The following NDUFAF7 variants were observed in gnomAD, a reference collection of about 807,000 sequenced individuals.
The protein encoded by NDUFAF7 is protein arginine methyltransferase NDUFAF7, mitochondrial.
A neutral mutation model predicts 47.2 loss-of-function variants in NDUFAF7; 48 were observed. The ratio of observed to expected loss-of-function variants is 1.02; its 90% confidence interval spans 0.81 to 1.29. NDUFAF7 has a LOEUF of 1.29. Among genes scored for constraint, NDUFAF7 ranks in the 50% most tolerant of loss-of-function variants. NDUFAF7 has a pLI of 0.00. For missense variants in NDUFAF7, 635 were observed against 537.6 expected, an observed-to-expected ratio of 1.18 and a Z score of -1.79; for synonymous variants, 217 against 190.0, an observed-to-expected ratio of 1.14 and a Z score of -1.17.
intron 2 of NDUFAF7, among the ~76,000 whole-genome samples, chr2:37,234,757 G>A (rs1295826984): frequency 1.3e-5 from 2 of 152,200 alleles, no homozygotes; most frequent in African/African-American, 4.8e-5. Context: ...ATGGTCCAGA[G>A]CACAGGCGGA....
chr2:37,263,859 C>T, the NDUFAF7 span, among the ~76,000 whole-genome samples: 4 of 152,052 alleles, frequency 2.6e-5, no homozygotes, highest in Admixed American at 2.6e-4. Flanking sequence ...AGTATGCTCA[C>T]TTCTGTTAAT....
chr2:37,257,441 G>A (rs1192387299), downstream of NDUFAF7, among the ~76,000 whole-genome samples: 7 of 151,970 alleles, frequency 4.6e-5, no homozygotes, highest in East Asian at 5.8e-4. Flanking sequence ...CGAGGCGGGC[G>A]GATCACGAGG....
At chr2:37,253,165 T>G (rs1217747422), downstream of NDUFAF7, 4 of 1,587,502 alleles carry the variant, frequency 2.5e-6, no homozygotes, top group South Asian at 1.1e-5. Context: ...CTTATTTAGG[T>G]TAGCTCAGTG....
At chr2:37,252,514 T>A (rs1667577311), downstream of NDUFAF7, 1 of 152,202 alleles carries the variant, frequency 6.6e-6, no homozygotes, top group African/African-American at 2.4e-5. Context: ...TTATGCTGTA[T>A]AGAACATATT....
chr2:37,234,369 G>T (rs1452194038), intron 2 of NDUFAF7, among the ~76,000 whole-genome samples: 2 of 152,154 alleles, frequency 1.3e-5, no homozygotes, highest in Non-Finnish European at 2.9e-5. Context: ...TGGGATTACA[G>T]GTGTGAGCCA....
At chr2:37,260,634 TTAC>T in the NDUFAF7 span, among the ~76,000 whole-genome samples, 1 of 152,196 alleles carries the variant, frequency 6.6e-6, no homozygotes, top group South Asian at 2.1e-4. Context: ...CTCTTGTCCA[TTAC>T]TACTACTTTT....
At chr2:37,258,848 AAT>A in the NDUFAF7 span, among the ~76,000 whole-genome samples, 1 of 152,214 alleles carries the variant, frequency 6.6e-6, no homozygotes, top group South Asian at 2.1e-4. Flanking sequence ...CATTTGTCTA[AAT>A]GTACATGTTT....
At chr2:37,268,575 G>A in the NDUFAF7 span, 1 of 250,128 alleles carries the variant, frequency 4.0e-6, no homozygotes, top group Non-Finnish European at 7.9e-6. Flanking sequence ...ATGTTGGGTA[G>A]CAGGAGTACC....
At chr2:37,231,902 C>A in intron 1 of NDUFAF7, 142 bp downstream of exon 1, 1 of 1,584,922 alleles carries the variant, frequency 6.3e-7, no homozygotes, top group South Asian at 1.1e-5. Context: ...GGAAACGGGT[C>A]CGGTACAAAC....
Position 37,248,315 on chromosome 2 carries a change from G to T in NDUFAF7, c.1291G>T (p.Val431Phe). Residue 431 changes from valine (V) to phenylalanine (F), a missense_variant, in exon 10 of 10, where the codon GTT (valine) becomes TTT (phenylalanine). Val to Phe is a conservative substitution (Grantham distance 50, BLOSUM62 -1). Coordinates refer to ENST00000002125, the MANE Select transcript of NDUFAF7 (RefSeq NM_144736.5). ...NARQSKPFAS[V>F]VAGFSELAWQ ...ACGTCAGTCAAAACCCTTTGCATCC[G>T]TTGTAGCTGGGTTTAGTGAACTTGC... 6.2e-7 allele frequency: 1 copy of T among 1,614,108 alleles called. No homozygotes were observed. Among genetic ancestry groups the T allele is most frequent in the Non-Finnish European group, 8.5e-7 (1 of 1,179,992 alleles).
At chr2:37,269,473 A>G in the NDUFAF7 span, 1 of 681,226 alleles carries the variant, frequency 1.5e-6, no homozygotes, top group Non-Finnish European at 2.6e-6. Context: ...AGTGAGAAGG[A>G]TTTAGCTGAA....
chr2:37,242,791 T>C (rs1666493691), intron 6 of NDUFAF7, 98 bp downstream of exon 6: 1 of 934,232 alleles, frequency 1.1e-6, no homozygotes, highest in Non-Finnish European at 1.6e-6. Context: ...ATTTTACTTG[T>C]TGAGGTTATT....
downstream of NDUFAF7, chr2:37,253,403 A>T (rs1210064310): frequency 2.7e-6 from 4 of 1,485,952 alleles, no homozygotes; most frequent in African/African-American, 4.3e-5. Context: ...AATACTGTCA[A>T]CCTGGTTTTT....
In NDUFAF7 at chr2:37,232,183, C is replaced by T. The variant is rs146409773; in HGVS notation, c.133C>T (p.Arg45Trp). 84 of 1,614,034 alleles carry T rather than the reference C, an allele frequency of 5.2e-5. No individual in the cohort carries two copies. The highest frequency in any genetic ancestry group is 6.9e-5 in the Non-Finnish European group (82 of 1,180,032). Residue 45 changes from arginine to tryptophan, a missense_variant, in exon 2 of 10, where the codon CGG (arginine) becomes TGG (tryptophan). By Grantham distance (101) the Arg-to-Trp change is moderately radical. Transcript: ENST00000002125. Reference protein sequence around the residue: ...PAENPVTPMLRHLMYKIKSTG... With the variant: ...PAENPVTPMLWHLMYKIKSTG... Reference sequence around the variant, plus strand: ...AGAAAACCCGGTGACGCCGATGCTGCGGCATCTTATGTACAAAATAAAGTC... The same window carrying T: ...AGAAAACCCGGTGACGCCGATGCTGTGGCATCTTATGTACAAAATAAAGTC...
At chr2:37,255,925 G>A (rs1230404142), downstream of NDUFAF7, among the ~76,000 whole-genome samples, 2 of 152,236 alleles carry the variant, frequency 1.3e-5, no homozygotes, top group East Asian at 1.9e-4. Flanking sequence ...GAGGTGGGAG[G>A]ATCACTTGAG....
downstream of NDUFAF7, chr2:37,253,550 A>T: frequency 2.1e-6 from 1 of 484,708 alleles, no homozygotes; most frequent in Non-Finnish European, 3.5e-6. Context: ...TCAAACTCAG[A>T]GTCTCCAATG....
rs1667249607 is a variant in NDUFAF7 at position 37,249,134 on chromosome 2, AAAT to A, written c.*786_*788del. 6.6e-6 allele frequency: 1 copy of A among 152,294 alleles called. No individual in the cohort carries two copies. Among genetic ancestry groups the A allele is most frequent in the Non-Finnish European group, 1.5e-5 (1 of 68,100 alleles). The allele number at this position is 152,294 out of a possible 1,614,324, so 9.4% of individuals were successfully genotyped here. On this transcript the variant is annotated 3_prime_UTR_variant, in exon 10 of 10. Coordinates refer to ENST00000002125, the MANE Select transcript of NDUFAF7 (RefSeq NM_144736.5). ...TTTTGTTGAAGGAGAAAAACTAAAT[AAAT>A]ACGAGTAATTTCATAGAAACGAATA...
rs970310343 is a variant in NDUFAF7, at chr2:37,231,665, C to T, written c.-41C>T. 3.1e-6 allele frequency: 5 copies of T among 1,613,686 alleles called. No homozygotes were observed. In the African/African-American group the frequency reaches 4.0e-5, roughly 13 times the overall value. The stretch of plus-strand genomic sequence containing the variant: ...TGTCTTCTCCCGGAAATGGTCTAAG[C>T]CCCAGCTCCTGGCGGAGCGAGCTAG... On this transcript the variant is annotated 5_prime_UTR_variant, in exon 1 of 10. Transcript: ENST00000002125.
the NDUFAF7 span, among the ~76,000 whole-genome samples, chr2:37,263,126 C>A: frequency 3.3e-5 from 5 of 152,032 alleles, no homozygotes; most frequent in African/African-American, 4.8e-5. Context: ...GAGTTAGATT[C>A]TTAATTCACT....
Sources: allele counts gnomAD v4.1 joint callset (sites outside exome capture counted in the v4.1 genomes callset), GRCh38; gene constraint gnomAD v4.1.1; transcripts MANE v1.5; gene names NCBI Gene and HGNC (gene_info 2026-07-23, HGNC 2026-07-21).